The following PCDHA8 variants were observed in gnomAD, a reference collection of about 807,000 sequenced individuals.
PCDHA8 encodes protocadherin alpha-8.
In PCDHA8, 53 loss-of-function variants were observed where a neutral mutation model predicts 61.8. The ratio of observed to expected loss-of-function variants is 0.86; its 90% CI spans 0.69 to 1.08. PCDHA8 has a LOEUF of 1.08. Ranked by LOEUF, PCDHA8 falls within the 50% of genes least tolerant of loss-of-function variation. The pLI is 0.00. For synonymous variants in PCDHA8, 618 were observed against 556.6 expected (o/e 1.11, Z -1.55); for missense variants, 1,293 against 1,245.0 (o/e 1.04, Z -0.58).
At chr5:140,926,470 G>C (rs1244984672) in intron 1 of PCDHA8, 1 of 162,858 alleles carries the variant, frequency 6.1e-6, no homozygotes. Flanking sequence ...AGAAAACACC[G>C]TTTAAGGAGA....
At chr5:140,985,982 G>A (rs1380609067) in intron 3 of PCDHA8, among the ~76,000 whole-genome samples, 3 of 151,940 alleles carry the variant, frequency 2.0e-5, no homozygotes, top group East Asian at 1.9e-4. Flanking sequence ...CTCGTGATCC[G>A]CCCACCTCAG....
chr5:140,938,810 C>G (rs1182517488), intron 1 of PCDHA8, among the ~76,000 whole-genome samples: 1 of 152,030 alleles, frequency 6.6e-6, no homozygotes, highest in Non-Finnish European at 1.5e-5. Context: ...ACCACAAACC[C>G]CTGTGACATG....
intron 1 of PCDHA8, chr5:140,852,607 C>A: frequency 1.1e-6 from 1 of 915,386 alleles, no homozygotes; most frequent in Non-Finnish European, 1.3e-6. Context: ...CATTTTCTTT[C>A]AAAACTTGAG....
intron 1 of PCDHA8, among the ~76,000 whole-genome samples, chr5:140,912,180 T>C (rs2075805933): frequency 6.6e-6 from 1 of 152,168 alleles, no homozygotes; most frequent in South Asian, 2.1e-4. Flanking sequence ...TGGCAGCTGA[T>C]TAGATTGTGC....
chr5:140,967,922 G>T (rs782146005), intron 1 of PCDHA8: 1 of 1,614,198 alleles, frequency 6.2e-7, no homozygotes, highest in South Asian at 1.1e-5. Flanking sequence ...CATTGTGGCC[G>T]TTCTCAGTGT....
At chr5:140,982,234 A>C (rs1039012011) in intron 2 of PCDHA8, 1 of 643,856 alleles carries the variant, frequency 1.6e-6, no homozygotes. Flanking sequence ...AAAAAACAGA[A>C]TTGCCATAAA....
intron 1 of PCDHA8, among the ~76,000 whole-genome samples, chr5:140,879,645 G>T (rs1392592069): frequency 2.0e-5 from 3 of 152,228 alleles, no homozygotes; most frequent in Non-Finnish European, 4.4e-5. Flanking sequence ...GCTTCCTGTG[G>T]CTGCTATAAC....
chr5:140,867,664 C>T (rs2050091732), intron 1 of PCDHA8: 1 of 152,076 alleles, frequency 6.6e-6, no homozygotes, highest in African/African-American at 2.4e-5. Flanking sequence ...TCACTTTCTA[C>T]TCTAAAATTT....
At chr5:140,853,068 A>G (rs2042618131) in intron 1 of PCDHA8, 1 of 280,152 alleles carries the variant, frequency 3.6e-6, no homozygotes, top group Non-Finnish European at 5.5e-6. Context: ...TTTAGTAGAG[A>G]TGGGGTTTCA....
intron 1 of PCDHA8, chr5:140,876,546 T>A (rs782795906): frequency 6.2e-7 from 1 of 1,614,218 alleles, no homozygotes; most frequent in Non-Finnish European, 8.5e-7. Context: ...TGTCGCTCCC[T>A]GTGCAAGAGG....
chr5:140,968,285 T>A, intron 1 of PCDHA8: 1 of 1,614,006 alleles, frequency 6.2e-7, no homozygotes, highest in Non-Finnish European at 8.5e-7. Flanking sequence ...GGTGACCTAC[T>A]CCCTTCTGGA....
intron 2 of PCDHA8, among the ~76,000 whole-genome samples, chr5:140,980,093 G>A (rs1223807762): frequency 2.0e-5 from 3 of 152,166 alleles, no homozygotes; most frequent in South Asian, 2.1e-4. Context: ...AGTTGGCTTG[G>A]TAAGATGTCA....
chr5:140,856,558 A>T lies in PCDHA8; in HGVS notation c.2394+12843A>T, dbSNP rs372031038. 2.5e-6 allele frequency: 4 copies of T among 1,598,086 alleles called. 1 individual carries two copies. The East Asian group carries it at 8.9e-5, about 36-fold the overall frequency. ...GAGAGAACGCATTGCTTACTTACAA[A>T]CTCAGTCCAAATGAGTATTTTGTTC... is the stretch of plus-strand genomic sequence containing the variant. On this transcript the variant is annotated intron_variant, in intron 1 of 3. Coordinates refer to ENST00000531613, the MANE Select transcript of PCDHA8 (RefSeq NM_018911.3).
At chr5:141,007,192 TGGTGGGGGCCAGAATATGC>T (rs1371127830) in intron 3 of PCDHA8, among the ~76,000 whole-genome samples, 1 of 151,894 alleles carries the variant, frequency 6.6e-6, no homozygotes, top group African/African-American at 2.4e-5. Flanking sequence ...AATGTTTTGA[TGGTGGGGGCCAGAATATGC>T]TGTCCCAAAA....
At chr5:140,897,008 T>C (rs1215081415) in intron 1 of PCDHA8, among the ~76,000 whole-genome samples, 13 of 152,154 alleles carry the variant, frequency 8.5e-5, no homozygotes, top group Admixed American at 1.3e-4. Flanking sequence ...TATTTTTAAA[T>C]ATACAACTAA....
intron 3 of PCDHA8, among the ~76,000 whole-genome samples, chr5:140,983,949 T>TA (rs1554245835): frequency 1.3e-5 from 2 of 152,176 alleles, no homozygotes. Flanking sequence ...ACAATTCAAC[T>TA]AAAAGTCACA....
At chr5:140,870,667 T>C (rs251372) in intron 1 of PCDHA8, 777,079 of 1,612,370 alleles carry the variant, frequency 0.48, 188,810 homozygotes, top group South Asian at 0.57. Context: ...GCTGCAGCCG[T>C]TGGACCACGA....
intron 3 of PCDHA8, among the ~76,000 whole-genome samples, chr5:140,996,330 A>G (rs551945424): frequency 6.6e-6 from 1 of 152,208 alleles, no homozygotes; most frequent in Non-Finnish European, 1.5e-5. Flanking sequence ...TAGAGAAGAA[A>G]AGTTTGAAAA....
chr5:140,937,717 C>G (rs868958316), intron 1 of PCDHA8, among the ~76,000 whole-genome samples: 34 of 151,858 alleles, frequency 2.2e-4, no homozygotes, highest in African/African-American at 8.2e-4. Flanking sequence ...TCAAGACCAT[C>G]CTGGCTAACA....
Sources: allele counts gnomAD v4.1 joint callset (sites outside exome capture counted in the v4.1 genomes callset), GRCh38; gene constraint gnomAD v4.1.1; transcripts MANE v1.5; gene names NCBI Gene and HGNC (gene_info 2026-07-23, HGNC 2026-07-21).